Variants in HSD17B6 observed in about 807,000 individuals in gnomAD.
HSD17B6 encodes the protein 17-beta-hydroxysteroid dehydrogenase type 6.
A neutral mutation model predicts 26.4 loss-of-function variants in HSD17B6; 16 were observed. The ratio of observed to expected loss-of-function variants is 0.61; its 90% confidence interval spans 0.41 to 0.92. The LOEUF is 0.92. Among genes scored for constraint, HSD17B6 ranks in the 40% least tolerant of loss-of-function variants. The pLI is 0.00. For synonymous variants in HSD17B6, 139 were observed against 153.0 expected, an observed-to-expected ratio of 0.91 and a Z score of 0.68; for missense variants, 357 against 386.1, an observed-to-expected ratio of 0.92 and a Z score of 0.63.
At chr12:56,767,230 C>T (rs1377868943) in intron 1 of HSD17B6, among the ~76,000 whole-genome samples, 2 of 151,920 alleles carry the variant, frequency 1.3e-5, no homozygotes, top group East Asian at 1.9e-4. Context: ...ATTGCATACA[C>T]TGCCAGGCGC....
intron 2 of HSD17B6, among the ~76,000 whole-genome samples, chr12:56,778,029 C>CCT (rs543901755): frequency 1.8e-4 from 28 of 152,088 alleles, no homozygotes; most frequent in Non-Finnish European, 2.8e-4. Flanking sequence ...AAGATATGGG[C>CCT]CTCTCTTACT....
At chr12:56,767,112 T>C (rs1382177737) in intron 1 of HSD17B6, among the ~76,000 whole-genome samples, 2 of 152,192 alleles carry the variant, frequency 1.3e-5, no homozygotes, top group East Asian at 1.9e-4. Context: ...GTGAACACTC[T>C]GGAGTTGATC....
chr12:56,764,289 T>C (rs775528427), intron 1 of HSD17B6, among the ~76,000 whole-genome samples: 1 of 152,122 alleles, frequency 6.6e-6, no homozygotes, highest in Non-Finnish European at 1.5e-5. Context: ...GACAAACCCA[T>C]GTCTGAAGAT....
chr12:56,768,111 C>G (rs1417479085), intron 1 of HSD17B6, among the ~76,000 whole-genome samples: 2 of 151,968 alleles, frequency 1.3e-5, no homozygotes, highest in African/African-American at 4.8e-5. Context: ...CAGACAGAAT[C>G]CAATGAGAGC....
In HSD17B6 at chr12:56,778,053, C is replaced by T. The variant is rs147634420; in HGVS notation, c.313+3888C>T. On this transcript the variant is annotated intron_variant, in intron 2 of 4. Transcript: ENST00000322165. ...GCCTCTCTTACTCATTTTTATATTT[C>T]CAACTTCTGGCACCTTGCCTGGTAC... Among the ~76,000 whole-genome samples, 1,293 of 152,300 alleles carry T rather than the reference C, an allele frequency of 8.5e-3. 8 individuals carry two copies. The highest frequency in any genetic ancestry group is 0.02 in the Middle Eastern group (6 of 294).
In HSD17B6 at chr12:56,776,820, C is replaced by A. The variant is rs144790686; in HGVS notation, c.313+2655C>A. On this transcript the variant is annotated intron_variant, in intron 2 of 4. Transcript: ENST00000322165. ...GTATGAGCTACTGCGTCAAGCCTGA[C>A]AGCTCATTTCTTTTTCTCGCTGCAT... 9.1e-4 allele frequency among the ~76,000 whole-genome samples: 139 copies of A among 152,238 alleles called. 1 individual carries two copies. The East Asian group carries it at 0.025, about 27-fold the overall frequency.
At chr12:56,766,768 A>G (rs1455682575) in intron 1 of HSD17B6, among the ~76,000 whole-genome samples, 2 of 152,142 alleles carry the variant, frequency 1.3e-5, no homozygotes, top group Non-Finnish European at 2.9e-5. Context: ...GGCATTGAGG[A>G]GTCCTTGCAT....
At chr12:56,777,365 A>ATTTT (rs60596799) in intron 2 of HSD17B6, among the ~76,000 whole-genome samples, 5 of 138,908 alleles carry the variant, frequency 3.6e-5, no homozygotes, top group Admixed American at 7.2e-5. Flanking sequence ...CAAAGTGTAA[A>ATTTT]TTTTTTTTTT....
At chr12:56,770,103 C>T (rs543503668) in intron 1 of HSD17B6, among the ~76,000 whole-genome samples, 1 of 151,434 alleles carries the variant, frequency 6.6e-6, no homozygotes, top group South Asian at 2.1e-4. Flanking sequence ...ACAGAGCTCT[C>T]AGATTGGAGA....
intron 4 of HSD17B6, among the ~76,000 whole-genome samples, chr12:56,786,278 C>CTCGCTCTG (rs1954872574): frequency 7.3e-6 from 1 of 137,082 alleles, no homozygotes; most frequent in Non-Finnish European, 1.5e-5. Context: ...GAGACAGAGT[C>CTCGCTCTG]TCGCTCTGTC....
At chr12:56,781,911 A>G in intron 2 of HSD17B6, 63 bp from the exon 3 acceptor site, 2 of 1,548,102 alleles carry the variant, frequency 1.3e-6, no homozygotes, top group Non-Finnish European at 1.8e-6. Context: ...TTCCCCACCA[A>G]AGTTCAAAAT....
At position 56,787,191 on chromosome 12, in the gene HSD17B6, T is replaced by A. The variant is rs763264679; in HGVS notation, c.803T>A (p.Met268Lys). The A allele has an allele frequency of 5.0e-6, 8 of 1,614,234 alleles. No homozygotes were observed. The East Asian group carries it at 1.1e-4, about 22-fold the overall frequency. ...STNLNLVTDC[M>K]EHALTSVHPR... ...AACCTGAACCTGGTCACTGACTGCA[T>A]GGAACATGCTCTGACATCGGTGCAT... Residue 268 changes from methionine to lysine, a missense_variant, in exon 5 of 5, where the codon ATG becomes AAG. Physicochemically the swap from Met to Lys is moderately conservative, Grantham distance 95. Transcript: ENST00000322165.
intron 1 of HSD17B6, among the ~76,000 whole-genome samples, chr12:56,771,571 G>C (rs1954474595): frequency 6.7e-6 from 1 of 149,138 alleles, no homozygotes; most frequent in African/African-American, 2.5e-5. Flanking sequence ...CGATTCTCCT[G>C]CCTCAGCCTC....
chr12:56,776,433 T>C (rs1954596307), intron 2 of HSD17B6, among the ~76,000 whole-genome samples: 1 of 150,528 alleles, frequency 6.6e-6, no homozygotes, highest in South Asian at 2.1e-4. Context: ...GCCTCCCAAG[T>C]AGCTGGAGTA....
chr12:56,782,164 A>AC lies in HSD17B6; in HGVS notation c.504_505insC (p.Val169ArgfsTer25). 6.2e-7 allele frequency: 1 copy of AC among 1,614,180 alleles called. No individual in the cohort carries two copies. The highest frequency in any genetic ancestry group is 8.5e-7 in the Non-Finnish European group (1 of 1,180,024). ...TCAATGTCTCCAGCATTCTGGGAAGAGTTGCTTTCTTTGTAGGAGGCTACT... is the reference window on the plus strand; with the variant it reads ...TCAATGTCTCCAGCATTCTGGGAAGACGTTGCTTTCTTTGTAGGAGGCTACT... On this transcript the variant is annotated frameshift_variant, in exon 3 of 5. Transcript: ENST00000322165. LOFTEE classifies it high-confidence loss of function.
chr12:56,773,670 C>T (rs758782128), intron 1 of HSD17B6, among the ~76,000 whole-genome samples, 164 bp from the exon 2 acceptor site: 19 of 152,200 alleles, frequency 1.2e-4, no homozygotes, highest in Non-Finnish European at 2.6e-4. Context: ...TTGGTTACCT[C>T]ACTGACTTCC....
At chr12:56,783,622 G>A (rs189782794) in intron 3 of HSD17B6, among the ~76,000 whole-genome samples, 16,791 of 94,522 alleles carry the variant, frequency 0.18, 1,618 homozygotes, top group African/African-American at 0.35. Flanking sequence ...CGGACGGAGC[G>A]GCTGGCCGGG....
At chr12:56,783,563 C>T (rs1339291380) in intron 3 of HSD17B6, among the ~76,000 whole-genome samples, 1 of 144,876 alleles carries the variant, frequency 6.9e-6, no homozygotes, top group Non-Finnish European at 1.5e-5. Context: ...CACCTCCCTC[C>T]CGGACAGGAC....
chr12:56,768,615 C>T (rs768212159), intron 1 of HSD17B6, among the ~76,000 whole-genome samples: 4 of 151,832 alleles, frequency 2.6e-5, no homozygotes, highest in African/African-American at 4.8e-5. Context: ...AGGGAAGCAA[C>T]GTGTATGCTC....
Sources: gnomAD v4.1 joint callset for allele counts (sites outside exome capture counted in the v4.1 genomes callset) on GRCh38, gnomAD v4.1.1 for gene constraint, MANE v1.5 for transcripts, NCBI Gene and HGNC (gene_info 2026-07-23, HGNC 2026-07-21) for gene names.